The following GRIA1 variants were observed in gnomAD, a reference collection of about 807,000 sequenced individuals.
The protein encoded by GRIA1 is glutamate ionotropic receptor AMPA type subunit 1, also known as glutamate receptor 1.
GRIA1 carries 31 observed loss-of-function variants against 99.2 expected under a neutral mutation model. The observed-to-expected ratio is 0.31, with a 90% CI of 0.23 to 0.42. The LOEUF (loss-of-function observed/expected upper bound fraction) is 0.42. GRIA1 is among the 10% of genes least tolerant of loss of function. The probability of loss-of-function intolerance (pLI) is 1.00; values close to 1 mark genes in which losing one functional copy is unlikely to be tolerated. For missense variants in GRIA1, 782 were observed against 1,157.5 expected (o/e 0.68, Z 4.71); for synonymous variants, 438 against 432.4 (o/e 1.01, Z -0.16).
At chr5:153,628,919 A>G (rs754340106) in intron 2 of GRIA1, among the ~76,000 whole-genome samples, 2 of 152,238 alleles carry the variant, frequency 1.3e-5, no homozygotes, top group South Asian at 4.1e-4. Flanking sequence ...TCTACAGACC[A>G]GCTTTGTTCC....
chr5:153,764,820 T>C (rs1040777022), intron 12 of GRIA1, among the ~76,000 whole-genome samples, 188 bp downstream of exon 12: 3 of 152,194 alleles, frequency 2.0e-5, no homozygotes, highest in African/African-American at 7.2e-5. Context: ...CATTTCTACA[T>C]TTGTAGAAGC....
At chr5:153,737,765 C>T in intron 11 of GRIA1, among the ~76,000 whole-genome samples, 1 of 152,162 alleles carries the variant, frequency 6.6e-6, no homozygotes, top group Admixed American at 6.5e-5. Context: ...ATTATTCCTT[C>T]TTGTGTTTTA....
chr5:153,772,415 G>T (rs772710111), intron 13 of GRIA1, among the ~76,000 whole-genome samples: 6 of 152,074 alleles, frequency 3.9e-5, no homozygotes, highest in Non-Finnish European at 7.4e-5. Context: ...GCCACTAAGT[G>T]TTCTTGGAAC....
chr5:153,706,977 A>G (rs909017640), intron 11 of GRIA1, among the ~76,000 whole-genome samples: 1 of 152,094 alleles, frequency 6.6e-6, no homozygotes. Context: ...AATTAGCTGG[A>G]TGTGGTGGCA....
At chr5:153,492,056 T>A in intron 1 of GRIA1, 1 of 1,146,192 alleles carries the variant, frequency 8.7e-7, no homozygotes, top group Non-Finnish European at 1.2e-6. Context: ...TGGAAGCATC[T>A]TCGTTGGTTT....
At chr5:153,665,762 G>A (rs998302051) in intron 5 of GRIA1, among the ~76,000 whole-genome samples, 1 of 152,148 alleles carries the variant, frequency 6.6e-6, no homozygotes, top group African/African-American at 2.4e-5. Flanking sequence ...GGAATCTTGG[G>A]GGAGAACTCT....
At chr5:153,666,794 GTGTTAGGTACT>G (rs1308123508) in intron 5 of GRIA1, among the ~76,000 whole-genome samples, 1 of 152,150 alleles carries the variant, frequency 6.6e-6, no homozygotes, top group East Asian at 1.9e-4. Context: ...GGTTTGATAC[GTGTTAGGTACT>G]TGTAATTATT....
At chr5:153,491,178 C>A in intron 1 of GRIA1, 1 of 1,089,928 alleles carries the variant, frequency 9.2e-7, no homozygotes, top group Non-Finnish European at 1.3e-6. Flanking sequence ...AGTGTTCACA[C>A]ACGCACACAT....
At chr5:153,645,625 G>C (rs1754090870) in intron 2 of GRIA1, among the ~76,000 whole-genome samples, 1 of 152,078 alleles carries the variant, frequency 6.6e-6, no homozygotes. Flanking sequence ...AAATGTATTT[G>C]ACCAAAGAAG....
intron 7 of GRIA1, 21 bp downstream of exon 7, chr5:153,677,182 C>T: frequency 4.2e-6 from 6 of 1,422,120 alleles, no homozygotes; most frequent in Non-Finnish European, 5.6e-6. Context: ...CAATGTTTGC[C>T]CCATCTCATA....
At chr5:153,572,977 G>A (rs1378831212) in intron 2 of GRIA1, among the ~76,000 whole-genome samples, 1 of 152,196 alleles carries the variant, frequency 6.6e-6, no homozygotes, top group Non-Finnish European at 1.5e-5. Context: ...CTATCCCAGA[G>A]AGTCTGGCCT....
Position 153,811,506 on chromosome 5 carries a change from G to C in GRIA1, c.*281G>C, listed in dbSNP as rs1323312661. The C allele has an allele frequency of 2.4e-5, 9 of 377,120 alleles. No individual in the cohort carries two copies. In the East Asian group the frequency reaches 5.2e-4, roughly 22 times the overall value. The allele number at this position is 377,120 out of a possible 1,614,324, so 23.4% of individuals were successfully genotyped here. ...AGAGTAACCCTGTCTAATGAAACCT[G>C]TGTCTCTGAGAGTAGAGTCACTGGA... On this transcript the variant is annotated 3_prime_UTR_variant, in exon 16 of 16. Transcript: ENST00000285900.
intron 13 of GRIA1, among the ~76,000 whole-genome samples, chr5:153,786,774 G>A (rs1312086923): frequency 6.6e-6 from 1 of 152,188 alleles, no homozygotes; most frequent in Non-Finnish European, 1.5e-5. Context: ...AACATGGGGA[G>A]CATTGCAGAG....
intron 11 of GRIA1, among the ~76,000 whole-genome samples, chr5:153,753,278 GAACAC>G (rs1454471652): frequency 6.6e-6 from 1 of 152,142 alleles, no homozygotes; most frequent in African/African-American, 2.4e-5. Flanking sequence ...ATACAAGCAG[GAACAC>G]AATACAACAA....
At chr5:153,754,748 C>T (rs990967841) in intron 11 of GRIA1, among the ~76,000 whole-genome samples, 1 of 152,120 alleles carries the variant, frequency 6.6e-6, no homozygotes, top group East Asian at 1.9e-4. Context: ...CATGGAGATG[C>T]CAGGTTATAA....
chr5:153,502,924 A>G (rs1755146996), intron 2 of GRIA1, among the ~76,000 whole-genome samples: 2 of 152,332 alleles, frequency 1.3e-5, no homozygotes, highest in South Asian at 4.1e-4. Flanking sequence ...CTAAGGATAC[A>G]TTTTCCATCC....
At chr5:153,650,101 G>A (rs1285927657) in intron 3 of GRIA1, among the ~76,000 whole-genome samples, 1 of 152,142 alleles carries the variant, frequency 6.6e-6, no homozygotes, top group Non-Finnish European at 1.5e-5. Flanking sequence ...GCCATATGTT[G>A]GATTTGAGCC....
intron 2 of GRIA1, among the ~76,000 whole-genome samples, chr5:153,628,446 T>A (rs964204473): frequency 8.5e-5 from 13 of 152,246 alleles, no homozygotes; most frequent in African/African-American, 3.1e-4. Flanking sequence ...ACCTTCTTCA[T>A]GGCATTGTGA....
intron 2 of GRIA1, among the ~76,000 whole-genome samples, chr5:153,591,274 G>T (rs1474672505): frequency 2.6e-5 from 4 of 152,156 alleles, no homozygotes; most frequent in African/African-American, 9.7e-5. Flanking sequence ...AATTATGAGT[G>T]TAATTTTACA....
Sources: allele counts gnomAD v4.1 joint callset (sites outside exome capture counted in the v4.1 genomes callset), GRCh38; gene constraint gnomAD v4.1.1; transcripts MANE v1.5; gene names NCBI Gene and HGNC (gene_info 2026-07-23, HGNC 2026-07-21).